Variants in PLA2R1 observed in about 807,000 individuals in gnomAD.
PLA2R1 encodes phospholipase A2 receptor 1.
A neutral mutation model predicts 195.9 loss-of-function variants in PLA2R1; 158 were observed. The ratio of observed to expected loss-of-function variants is 0.81; its 90% confidence interval spans 0.71 to 0.92. The LOEUF (loss-of-function observed/expected upper bound fraction) is 0.92. PLA2R1 is among the 40% of genes least tolerant of loss of function. PLA2R1 has a pLI of 0.00. For synonymous variants in PLA2R1, 586 were observed against 598.2 expected, an observed-to-expected ratio of 0.98 and a Z score of 0.30; for missense variants, 1,626 against 1,764.6, an observed-to-expected ratio of 0.92 and a Z score of 1.41.
intron 7 of PLA2R1, among the ~76,000 whole-genome samples, chr2:160,020,990 G>A (rs182020748): frequency 1.1e-3 from 163 of 152,230 alleles, no homozygotes; most frequent in African/African-American, 3.7e-3. Flanking sequence ...TGTATGTTAA[G>A]CAGATCTGAA....
chr2:160,042,800 CGTGTGTGTGTGTGTGTGTGT>C (rs111414981), intron 2 of PLA2R1, among the ~76,000 whole-genome samples: 12 of 119,716 alleles, frequency 1.0e-4, no homozygotes, highest in Middle Eastern at 8.2e-3. Flanking sequence ...TGTGTGTGTG[CGTGTGTGTGTGTGTGTGTGT>C]GTGTGTGTGT....
chr2:160,027,841 T>G (rs958388698), intron 6 of PLA2R1, among the ~76,000 whole-genome samples: 1 of 152,168 alleles, frequency 6.6e-6, no homozygotes, highest in African/African-American at 2.4e-5. Context: ...ATCAATGAAG[T>G]AAATAATTAT....
chr2:160,040,870 C>T (rs148680836), intron 3 of PLA2R1, among the ~76,000 whole-genome samples: 1,679 of 152,294 alleles, frequency 0.011, 124 homozygotes, highest in Admixed American at 0.1. Flanking sequence ...CAATGGTTAA[C>T]CCTTGTGAGT....
At chr2:160,042,833 GTGTGTGTGTA>G (rs751706576) in intron 2 of PLA2R1, among the ~76,000 whole-genome samples, 1,464 of 108,448 alleles carry the variant, frequency 0.013, 32 homozygotes, top group East Asian at 0.025. Flanking sequence ...GTGTGTGTGT[GTGTGTGTGTA>G]TGTGTGAGAC....
chr2:159,931,648 C>G (rs927433875), downstream of PLA2R1, among the ~76,000 whole-genome samples: 1 of 152,156 alleles, frequency 6.6e-6, no homozygotes, highest in African/African-American at 2.4e-5. Context: ...CAATCTCCCC[C>G]GGCTCAGCCT....
rs561487906 is a variant in PLA2R1, at chr2:160,045,241, T to C, written c.110-84A>G. On this transcript the variant is annotated intron_variant, in intron 1 of 29. Coordinates refer to ENST00000283243, the MANE Select transcript of PLA2R1 (RefSeq NM_007366.5). ...GAGGATCTCAGTGTGCATATCTAAGTGCGATATGCGACAGTTGCCAGCCAT... is the reference window on the plus strand; with the variant it reads ...GAGGATCTCAGTGTGCATATCTAAGCGCGATATGCGACAGTTGCCAGCCAT... 3.8e-5 allele frequency: 40 copies of C among 1,044,080 alleles called. No homozygotes were observed. The African/African-American group carries it at 5.4e-4, about 14-fold the overall frequency. 64.7% of individuals were successfully genotyped at this position (1,044,080 alleles called of 1,614,324 possible).
chr2:160,048,957 C>T (rs1434440816), intron 1 of PLA2R1, among the ~76,000 whole-genome samples: 2 of 150,036 alleles, frequency 1.3e-5, no homozygotes, highest in Non-Finnish European at 3.0e-5. Flanking sequence ...TCTCCTGCCT[C>T]AGCCTCCCAA....
Position 159,975,528 on chromosome 2 carries a change from G to A in PLA2R1, c.2595+540C>T, listed in dbSNP as rs565498856. On this transcript the variant is annotated intron_variant, in intron 17 of 29. Transcript: ENST00000283243. ...TAGTCTTTACAAACTTAAAAATAAT[G>A]TACTCTTGTAAGATTTGAAAGTTTA... Among the ~76,000 whole-genome samples the A allele has an allele frequency of 8.3e-5, 7 of 83,960 alleles. No individual in the cohort carries two copies. The East Asian group carries it at 2.1e-3, about 25-fold the overall frequency. 55.1% of individuals were successfully genotyped at this position (83,960 alleles called of 152,430 possible). A position where few individuals can be genotyped will look rare whatever the true frequency, so the allele number is the denominator to read the frequency against.
At chr2:160,047,654 T>C (rs935871348) in intron 1 of PLA2R1, among the ~76,000 whole-genome samples, 2 of 152,226 alleles carry the variant, frequency 1.3e-5, no homozygotes, top group African/African-American at 4.8e-5. Flanking sequence ...TTAAGAGCCT[T>C]CATCTGTTGA....
chr2:159,931,844 A>G (rs1281653105), downstream of PLA2R1, among the ~76,000 whole-genome samples: 2 of 152,248 alleles, frequency 1.3e-5, no homozygotes, highest in Non-Finnish European at 2.9e-5. Context: ...CCCTACACCA[A>G]AAGATTAGTG....
At chr2:159,983,031 G>A (rs547137003) in intron 13 of PLA2R1, among the ~76,000 whole-genome samples, 2 of 152,260 alleles carry the variant, frequency 1.3e-5, no homozygotes, top group Admixed American at 1.3e-4. Context: ...ACATTCCAAA[G>A]TGAGAGGCCA....
At chr2:159,976,658 T>G in intron 16 of PLA2R1, 27 bp downstream of exon 16, 1 of 1,480,066 alleles carries the variant, frequency 6.8e-7, no homozygotes, top group Admixed American at 1.7e-5. Flanking sequence ...TAATTAGAAA[T>G]TCAAGAGCTG....
Position 159,941,972 on chromosome 2 carries a change from G to T in PLA2R1, c.4198C>A (p.Pro1400Thr). The stretch of plus-strand genomic sequence containing the variant: ...ATCAGTGTCAGTACAACCGCAAGAG[G>T]AATGATGCTGTGACTTGGTCCTGAA... ...PEKGPSHSII[P>T]LAVVLTLIVI... Residue 1400 changes from proline to threonine, a missense_variant, in exon 30 of 30, where the codon CCT becomes ACT. Transcript: ENST00000283243. 6.2e-7 allele frequency: 1 copy of T among 1,613,348 alleles called. No individual in the cohort carries two copies.
At chr2:159,927,747 T>C (rs757819759), downstream of PLA2R1, among the ~76,000 whole-genome samples, 4 of 152,212 alleles carry the variant, frequency 2.6e-5, no homozygotes, top group African/African-American at 4.8e-5. Flanking sequence ...ACTCTTTCAT[T>C]ATCCCTGGTC....
At chr2:160,045,220 A>T (rs1432100475) in intron 1 of PLA2R1, 63 bp from the exon 2 acceptor site, 1 of 1,305,370 alleles carries the variant, frequency 7.7e-7, no homozygotes, top group East Asian at 2.3e-5. Context: ...CGTCATGAGG[A>T]TCTCAGTGTG....
At chr2:160,002,139 G>A (rs944602796) in intron 11 of PLA2R1, among the ~76,000 whole-genome samples, 1 of 151,660 alleles carries the variant, frequency 6.6e-6, no homozygotes, top group Non-Finnish European at 1.5e-5. Context: ...ATAAGGTATT[G>A]ACAACAAAAG....
intron 4 of PLA2R1, among the ~76,000 whole-genome samples, chr2:160,030,599 C>CA (rs1203146195): frequency 6.6e-6 from 1 of 152,080 alleles, no homozygotes; most frequent in African/African-American, 2.4e-5. Context: ...TCTGAAGGCA[C>CA]AAAAAACCAT....
intron 4 of PLA2R1, 24 bp from the exon 5 acceptor site, chr2:160,028,987 C>CA (rs370734722): frequency 1.9e-3 from 2,264 of 1,171,056 alleles, no homozygotes; most frequent in Non-Finnish European, 2.3e-3. Context: ...TATGGAGCTT[C>CA]AAAAAAAAAA....
At chr2:159,986,308 A>T (rs935728788) in intron 12 of PLA2R1, among the ~76,000 whole-genome samples, 2 of 151,970 alleles carry the variant, frequency 1.3e-5, no homozygotes, top group South Asian at 4.2e-4. Flanking sequence ...TGCAAATATT[A>T]AAAAAAACAA....
Sources: allele counts gnomAD v4.1 joint callset (sites outside exome capture counted in the v4.1 genomes callset), GRCh38; gene constraint gnomAD v4.1.1; transcripts MANE v1.5; gene names NCBI Gene and HGNC (gene_info 2026-07-23, HGNC 2026-07-21).